The following DENND3 variants were observed in gnomAD, a reference collection of about 807,000 sequenced individuals.
DENND3 encodes DENN domain containing 3, also known as DENN domain-containing protein 3.
A neutral mutation model predicts 135.1 loss-of-function variants in DENND3; 88 were observed. That is an observed-to-expected ratio of 0.65 (90% confidence interval 0.55 to 0.78). DENND3 has a LOEUF of 0.78. Among genes scored for constraint, DENND3 ranks in the 30% least tolerant of loss-of-function variants. DENND3 has a pLI of 0.00. For synonymous variants in DENND3, 693 were observed against 712.3 expected (o/e 0.97, Z 0.43); for missense variants, 1,392 against 1,688.4 (o/e 0.82, Z 3.08).
At chr8:141,190,099 G>C (rs1824500756) in intron 19 of DENND3, among the ~76,000 whole-genome samples, 185 bp from the exon 20 acceptor site, 1 of 106,336 alleles carries the variant, frequency 9.4e-6, no homozygotes, top group Admixed American at 1.1e-4. Flanking sequence ...ATGTTTGCAT[G>C]TTATTATCAT....
Position 141,192,376 on chromosome 8 carries a change from A to C in DENND3, c.3425A>C (p.His1142Pro). ...IMVMKMNGSL[H>P]QELKIEENFK... ...GTCATGAAAATGAATGGATCCCTCC[A>C]TCAAGAATTGAAGATTGAGGAGAAC... The change falls in exon 21 of 23, where the codon CAT (histidine) becomes CCT (proline). Residue 1142 changes from histidine to proline, a missense_variant. By Grantham distance (77) the His-to-Pro change is moderately conservative (BLOSUM62 -2). Transcript: ENST00000519811. 2 of 1,614,230 alleles carry C rather than the reference A, an allele frequency of 1.2e-6. No individual in the cohort carries two copies. The highest frequency in any genetic ancestry group is 1.7e-6 in the Non-Finnish European group (2 of 1,180,030).
At chr8:141,190,526 CTT>C (rs1589725787) in intron 20 of DENND3, 109 bp downstream of exon 20, 1 of 1,399,510 alleles carries the variant, frequency 7.1e-7, no homozygotes, top group Non-Finnish European at 9.3e-7. Flanking sequence ...CCTTTCCAGT[CTT>C]TATTTTAAAC....
chr8:141,149,309 G>T (rs1051434789), intron 5 of DENND3, among the ~76,000 whole-genome samples: 4 of 152,192 alleles, frequency 2.6e-5, no homozygotes, highest in Non-Finnish European at 2.9e-5. Context: ...TGGCTGGCAG[G>T]TTCTCAGAAA....
chr8:141,183,871 T>C (rs1589702738), intron 17 of DENND3, among the ~76,000 whole-genome samples: 1 of 149,862 alleles, frequency 6.7e-6, no homozygotes, highest in Non-Finnish European at 1.5e-5. Flanking sequence ...GAAACAGGAG[T>C]GGAGTCCAGG....
At position 141,175,115 on chromosome 8, in the gene DENND3, G is replaced by A. The variant is rs543834920; in HGVS notation, c.2276-85G>A. ...CTGCTGCCGGGTTCCGGTAGTGTGCGGTTTCTTCAGGTCATGGAGAAGCCC... is the reference window on the plus strand; with the variant it reads ...CTGCTGCCGGGTTCCGGTAGTGTGCAGTTTCTTCAGGTCATGGAGAAGCCC... On this transcript the variant is annotated intron_variant, in intron 13 of 22. Transcript: ENST00000519811. This position sits in a 1 kb window ranked among gnomAD's most constrained non-coding sequence, Gnocchi z 5.4. The A allele has an allele frequency of 4.7e-6, 7 of 1,482,988 alleles. No homozygotes were observed. Among genetic ancestry groups the A allele is most frequent in the East Asian group, 4.5e-5 (2 of 44,040 alleles). The allele number at this position is 1,482,988 out of a possible 1,614,324, so 91.9% of individuals were successfully genotyped here.
intron 5 of DENND3, among the ~76,000 whole-genome samples, chr8:141,150,073 T>C (rs2117148): frequency 0.82 from 124,866 of 152,224 alleles, 51,697 homozygotes; most frequent in East Asian, 0.98. Flanking sequence ...TCCTTTCTGT[T>C]TCCCTGTGCT....
chr8:141,184,577 C>G (rs1005621462), intron 17 of DENND3: 21 of 152,344 alleles, frequency 1.4e-4, no homozygotes, highest in African/African-American at 4.6e-4. Flanking sequence ...CCAGTTCAAG[C>G]CATCAGGCTC....
intron 18 of DENND3, chr8:141,188,726 G>A (rs776593529): frequency 1.6e-5 from 7 of 430,228 alleles, no homozygotes; most frequent in South Asian, 3.5e-5. Context: ...CAGTGCTGGC[G>A]GCCGTGGGTT....
rs902506689 is a variant in DENND3 at position 141,174,819 on chromosome 8, A to T, written c.2276-381A>T. On this transcript the variant is annotated intron_variant, in intron 13 of 22. Coordinates refer to ENST00000519811, the MANE Select transcript of DENND3 (RefSeq NM_001352890.3). The surrounding 1 kb of genome is among the most constrained non-coding windows in gnomAD (Gnocchi z 4.6). Reference sequence around the variant, plus strand: ...CTAGCTCCCCTTGTGACCCCAAGACAGTGGCCAGCAGTTCTAGTGATGAGG... The same window carrying T: ...CTAGCTCCCCTTGTGACCCCAAGACTGTGGCCAGCAGTTCTAGTGATGAGG... Among the ~76,000 whole-genome samples, 1 of 152,222 alleles carries T rather than the reference A, an allele frequency of 6.6e-6. No homozygotes were observed. The highest frequency in any genetic ancestry group is 1.5e-5 in the Non-Finnish European group (1 of 68,030).
rs1460485025 is a variant in DENND3, at chr8:141,138,672, G to A, written c.501+535G>A. ...AAGTGCTGGGATTACAGGTGTGAGC[G>A]CTGCGCCCGGCCGGCTAATCCCCTT... On this transcript the variant is annotated intron_variant, in intron 3 of 22. Transcript: ENST00000519811. This position sits in a 1 kb window ranked among gnomAD's most constrained non-coding sequence, Gnocchi z 4.8. Among the ~76,000 whole-genome samples the A allele has an allele frequency of 2.6e-5, 4 of 152,116 alleles. No homozygotes were observed. Among genetic ancestry groups the A allele is most frequent in the South Asian group, 2.1e-4 (1 of 4,828 alleles).
Position 141,192,376 on chromosome 8 carries a change from A to T in DENND3, c.3425A>T (p.His1142Leu). ...GTCATGAAAATGAATGGATCCCTCC[A>T]TCAAGAATTGAAGATTGAGGAGAAC... ...IMVMKMNGSL[H>L]QELKIEENFK... is the part of the protein sequence containing the mutation. The change falls in exon 21 of 23, where the codon CAT becomes CTT. Residue 1142 changes from histidine to leucine, a missense_variant. His to Leu is a moderately conservative substitution (Grantham distance 99). Transcript: ENST00000519811. 1 of 1,614,230 alleles carries T rather than the reference A, an allele frequency of 6.2e-7. No homozygotes were observed. The highest frequency in any genetic ancestry group is 8.5e-7 in the Non-Finnish European group (1 of 1,180,030).
chr8:141,164,188 G>A (rs951549885), intron 10 of DENND3, among the ~76,000 whole-genome samples: 6 of 152,154 alleles, frequency 3.9e-5, no homozygotes, highest in East Asian at 1.9e-4. Flanking sequence ...GCCTCGGACC[G>A]AGCTGGGCTA....
chr8:141,182,551 G>A lies in DENND3; in HGVS notation c.2944+1697G>A, dbSNP rs1589697682. The stretch of plus-strand genomic sequence containing the variant: ...TCACTCTGAGCTTCCTGTTGTGACG[G>A]GCGAGGAGTTCAGGCGGCTTCCCCT... On this transcript the variant is annotated intron_variant, in intron 17 of 22. Coordinates refer to ENST00000519811, the MANE Select transcript of DENND3 (RefSeq NM_001352890.3). This position sits in a 1 kb window ranked among gnomAD's most constrained non-coding sequence, Gnocchi z 5.9. The A allele has an allele frequency of 2.1e-6, 2 of 949,418 alleles. No individual in the cohort carries two copies. Among genetic ancestry groups the A allele is most frequent in the East Asian group, 1.2e-4 (1 of 8,528 alleles). The allele number at this position is 949,418 out of a possible 1,614,324, so 58.8% of individuals were successfully genotyped here. A position where few individuals can be genotyped will look rare whatever the true frequency, so the allele number is the denominator to read the frequency against.
intron 15 of DENND3, chr8:141,177,102 G>A (rs765952855): frequency 1.6e-5 from 4 of 255,292 alleles, no homozygotes; most frequent in Admixed American, 5.0e-5. Flanking sequence ...CCCGCAGGCC[G>A]GAGTTGGGTG....
chr8:141,149,364 CTAAT>C (rs1818517167), intron 5 of DENND3, among the ~76,000 whole-genome samples: 1 of 152,216 alleles, frequency 6.6e-6, no homozygotes. Context: ...TCACCATAAA[CTAAT>C]TGATGCAGAC....
chr8:141,168,302 T>A lies in DENND3; in HGVS notation c.2052T>A (p.Ser684=), dbSNP rs1357393902. 2.5e-6 allele frequency: 4 copies of A among 1,614,042 alleles called. No individual in the cohort carries two copies. Among genetic ancestry groups the A allele is most frequent in the Non-Finnish European group, 3.4e-6 (4 of 1,180,000 alleles). Residue 684 remains serine, a synonymous_variant, in exon 13 of 23, where the codon TCT becomes TCA. Transcript: ENST00000519811. The surrounding 1 kb of genome is among the most constrained non-coding windows in gnomAD (Gnocchi z 6.2). ...DLVKRTVESM[S]APEWEGAEQA... is the part of the protein sequence containing the mutation. ...TGAAGAGGACGGTGGAATCCATGTC[T>A]GCCCCTGAGTGGGAGGGGGCTGAGC...
chr8:141,189,241 GC>G, intron 19 of DENND3, 95 bp downstream of exon 19: 1 of 1,525,446 alleles, frequency 6.6e-7, no homozygotes, highest in Non-Finnish European at 9.0e-7. Context: ...GCCCACAGGG[GC>G]CAGGCGGGGC....
At position 141,168,233 on chromosome 8, in the gene DENND3, G is replaced by C. The variant is rs768789549; in HGVS notation, c.1983G>C (p.Gln661His). ...TGCTGAACGCCCTCTTGGACTTCCA[G>C]AATCTGTATAAAACAGACATACGGA... ...GQLLNALLDFQNLYKTDIRIF... is the reference protein window; with the variant it reads ...GQLLNALLDFHNLYKTDIRIF... The change falls in exon 13 of 23, where the codon CAG (glutamine) becomes CAC (histidine). Residue 661 changes from glutamine to histidine, a missense_variant. Transcript: ENST00000519811. This position sits in a 1 kb window ranked among gnomAD's most constrained non-coding sequence, Gnocchi z 6.2. 1 of 1,614,150 alleles carries C rather than the reference G, an allele frequency of 6.2e-7. No homozygotes were observed. Among genetic ancestry groups the C allele is most frequent in the Non-Finnish European group, 8.5e-7 (1 of 1,180,038 alleles).
chr8:141,166,086 A>G lies in DENND3; in HGVS notation c.1554-104A>G, dbSNP rs999079030. ...AGTCTGTTTTCCACTGGTGTCCAAG[A>G]GTGTCATGTGCTCTTCATCACACTG... is the stretch of plus-strand genomic sequence containing the variant. On this transcript the variant is annotated intron_variant, in intron 11 of 22. Transcript: ENST00000519811. This position sits in a 1 kb window ranked among gnomAD's most constrained non-coding sequence, Gnocchi z 4.3. 10 of 1,136,294 alleles carry G rather than the reference A, an allele frequency of 8.8e-6. No individual in the cohort carries two copies. Among genetic ancestry groups the G allele is most frequent in the South Asian group, 4.2e-5 (3 of 72,222 alleles). The allele number at this position is 1,136,294 out of a possible 1,614,324, so 70.4% of individuals were successfully genotyped here. A position where few individuals can be genotyped will look rare whatever the true frequency, so the allele number is the denominator to read the frequency against.
Sources: gnomAD v4.1 joint callset for allele counts (sites outside exome capture counted in the v4.1 genomes callset) on GRCh38, gnomAD v4.1.1 for gene constraint, Gnocchi (gnomAD v3.1) non-coding constraint, MANE v1.5 for transcripts, NCBI Gene and HGNC (gene_info 2026-07-23, HGNC 2026-07-21) for gene names.